Variants in SF3B3 observed in about 807,000 individuals in gnomAD.
SF3B3 encodes SAP 130.
Under a neutral mutation model 139.2 loss-of-function variants are expected in SF3B3, and 33 were observed. The ratio of observed to expected loss-of-function variants is 0.24; its 90% CI spans 0.18 to 0.32. SF3B3 has a LOEUF of 0.32. SF3B3 is among the 10% of genes least tolerant of loss of function. The probability of loss-of-function intolerance (pLI) is 1.00; values close to 1 mark genes in which losing one functional copy is unlikely to be tolerated. For synonymous variants in SF3B3, 596 were observed against 563.6 expected (o/e 1.06, Z -0.81); for missense variants, 818 against 1,509.4 (o/e 0.54, Z 7.59).
intron 11 of SF3B3, among the ~76,000 whole-genome samples, chr16:70,548,883 A>C (rs1199301080): frequency 1.3e-5 from 2 of 152,228 alleles, no homozygotes; most frequent in African/African-American, 4.8e-5. Context: ...CTTGTTAGTC[A>C]ATCTTGCTAG....
intron 11 of SF3B3, among the ~76,000 whole-genome samples, chr16:70,553,491 G>C (rs1057305789): frequency 6.6e-6 from 1 of 151,988 alleles, no homozygotes; most frequent in African/African-American, 2.4e-5. Flanking sequence ...TTTTTAACCT[G>C]ATTTCTGGTT....
At position 70,571,808 on chromosome 16, in the gene SF3B3, T is replaced by G; in HGVS notation, c.3649T>G (p.Phe1217Val). The G allele has an allele frequency of 6.2e-7, 1 of 1,611,358 alleles. No individual in the cohort carries two copies. The highest frequency in any genetic ancestry group is 8.5e-7 in the Non-Finnish European group (1 of 1,179,168). ...KLEDIRTRYA[F>V] ...CGAGGATATCCGGACCCGCTACGCC[T>G]TCTGAGCCCTCCTTTCCCGGTGGGG... The change falls in exon 26 of 26, where the codon TTC (phenylalanine) becomes GTC (valine). Residue 1217 changes from phenylalanine to valine, a missense_variant. Phe to Val is a conservative substitution (Grantham distance 50). Transcript: ENST00000302516.
chr16:70,541,147 T>C (rs1035739356), intron 8 of SF3B3, among the ~76,000 whole-genome samples: 20 of 152,192 alleles, frequency 1.3e-4, no homozygotes, highest in Non-Finnish European at 2.9e-4. Context: ...AAGTATGCAG[T>C]GGTGGTATGA....
At chr16:70,550,219 T>A (rs1262294372) in intron 11 of SF3B3, 1 of 152,092 alleles carries the variant, frequency 6.6e-6, no homozygotes, top group Non-Finnish European at 1.5e-5. Context: ...AGAAGACAAG[T>A]ATACAAAAGT....
chr16:70,552,693 G>A (rs1264894282), intron 11 of SF3B3, among the ~76,000 whole-genome samples: 1 of 152,176 alleles, frequency 6.6e-6, no homozygotes, highest in African/African-American at 2.4e-5. Flanking sequence ...CATTGGGAAA[G>A]ATCTTTAATC....
At chr16:70,546,391 C>T (rs1356502677) in intron 10 of SF3B3, among the ~76,000 whole-genome samples, 3 of 152,170 alleles carry the variant, frequency 2.0e-5, no homozygotes, top group African/African-American at 7.2e-5. Context: ...GTGGCGCACG[C>T]CTGTAATTCC....
chr16:70,529,192 T>C lies in SF3B3; in HGVS notation c.390T>C (p.Val130=). The change falls in exon 3 of 26, where the codon GTT becomes GTC. Residue 130 remains valine (V), a synonymous_variant. Transcript: ENST00000302516. ...FLAVDPKGRA[V]MISAIEKQKL... ...CTGTGGATCCCAAAGGGCGAGCCGTTATGATTAGTAAGTGATTTACTCTAC... is the reference window on the plus strand; with the variant it reads ...CTGTGGATCCCAAAGGGCGAGCCGTCATGATTAGTAAGTGATTTACTCTAC... 2 of 1,612,788 alleles carry C rather than the reference T, an allele frequency of 1.2e-6. No homozygotes were observed. Among genetic ancestry groups the C allele is most frequent in the Non-Finnish European group, 1.7e-6 (2 of 1,179,040 alleles).
chr16:70,528,886 A>G lies in SF3B3; in HGVS notation c.84A>G (p.Gln28=). Residue 28 remains glutamine, a synonymous_variant, in exon 3 of 26, where the codon CAA becomes CAG. Coordinates refer to ENST00000302516, the MANE Select transcript of SF3B3 (RefSeq NM_012426.5). ...IHGNFSGTKQ[Q]EIVVSRGKIL... ...TTGGTGATCTAGGAACCAAACAACAAGAAATTGTTGTTTCCCGTGGGAAGA... is the reference window on the plus strand; with the variant it reads ...TTGGTGATCTAGGAACCAAACAACAGGAAATTGTTGTTTCCCGTGGGAAGA... 6.2e-7 allele frequency: 1 copy of G among 1,607,590 alleles called. No homozygotes were observed. Among genetic ancestry groups the G allele is most frequent in the Non-Finnish European group, 8.5e-7 (1 of 1,174,896 alleles).
chr16:70,563,568 T>A (rs1006142797), intron 17 of SF3B3, among the ~76,000 whole-genome samples: 2 of 152,200 alleles, frequency 1.3e-5, no homozygotes, highest in Non-Finnish European at 2.9e-5. Flanking sequence ...ACAACAAATT[T>A]GGGATTGGGC....
intron 20 of SF3B3, among the ~76,000 whole-genome samples, chr16:70,566,620 T>C (rs1338716828): frequency 6.6e-6 from 1 of 152,192 alleles, no homozygotes; most frequent in Non-Finnish European, 1.5e-5. Flanking sequence ...TACCATAATT[T>C]TTAAAATAAA....
chr16:70,526,559 G>A (rs979502586), intron 1 of SF3B3, 28 bp from the exon 2 acceptor site: 1 of 775,130 alleles, frequency 1.3e-6, no homozygotes, highest in African/African-American at 1.7e-5. Context: ...TAGTCTCCCA[G>A]CTATTTTTCT....
In SF3B3 at chr16:70,569,004, C is replaced by T. The variant is rs1478636120; in HGVS notation, c.3166-39C>T. 7.5e-6 allele frequency: 11 copies of T among 1,475,134 alleles called. No homozygotes were observed. In the East Asian group the frequency reaches 2.5e-4, roughly 34 times the overall value. 91.4% of individuals were successfully genotyped at this position (1,475,134 alleles called of 1,614,324 possible). A position where few individuals can be genotyped will look rare whatever the true frequency, so the allele number is the denominator to read the frequency against. On this transcript the variant is annotated intron_variant, in intron 22 of 25. Coordinates refer to ENST00000302516, the MANE Select transcript of SF3B3 (RefSeq NM_012426.5). Reference sequence around the variant, plus strand: ...TGCTTGGTGACTCAGGTGAGCAGGTCCGGGCCCCAGCAGTGTGACTTGTGT... The same window carrying T: ...TGCTTGGTGACTCAGGTGAGCAGGTTCGGGCCCCAGCAGTGTGACTTGTGT...
At position 70,573,696 on chromosome 16, in the gene SF3B3, G is replaced by C. The variant is rs1182104748; in HGVS notation, c.*1883G>C. The C allele has an allele frequency of 6.6e-6, 1 of 152,230 alleles. No homozygotes were observed. The highest frequency in any genetic ancestry group is 1.5e-5 in the Non-Finnish European group (1 of 68,044). 9.4% of individuals were successfully genotyped at this position (152,230 alleles called of 1,614,324 possible). On this transcript the variant is annotated 3_prime_UTR_variant, in exon 26 of 26. Transcript: ENST00000302516. ...GGGACCTGATTGACTCCTGTGGTTTGATTGAGCAACCAGGTAAATAGAGAC... is the reference window on the plus strand; with the variant it reads ...GGGACCTGATTGACTCCTGTGGTTTCATTGAGCAACCAGGTAAATAGAGAC...
chr16:70,571,632 A>C (rs1397054909), intron 25 of SF3B3, 41 bp from the exon 26 acceptor site: 2 of 1,585,674 alleles, frequency 1.3e-6, no homozygotes, highest in Non-Finnish European at 1.7e-6. Flanking sequence ...TTCTTTGGGC[A>C]TCTCACCATT....
At chr16:70,551,624 C>T (rs2050326483) in intron 11 of SF3B3, among the ~76,000 whole-genome samples, 1 of 152,172 alleles carries the variant, frequency 6.6e-6, no homozygotes. Flanking sequence ...ATCGCTTGAA[C>T]CTGGGAGGCG....
intron 16 of SF3B3, among the ~76,000 whole-genome samples, chr16:70,560,951 T>C (rs2050422376): frequency 6.6e-6 from 1 of 152,184 alleles, no homozygotes; most frequent in South Asian, 2.1e-4. Flanking sequence ...TGGGAAACAT[T>C]GTGTCCTTTG....
chr16:70,571,273 A>AGCACCCTCCCTG, intron 25 of SF3B3, 74 bp downstream of exon 25: 1 of 1,116,644 alleles, frequency 9.0e-7, no homozygotes, highest in Non-Finnish European at 1.4e-6. Context: ...TGATGGGAAT[A>AGCACCCTCCCTG]GTACCAGGGA....
Position 70,554,471 on chromosome 16 carries a change from G to T in SF3B3, c.1428G>T (p.Val476=). Reference sequence around the variant, plus strand: ...ATGAGTTTGATGCCTACATCATTGTGTCTTTCGTGAATGCCACCCTAGTGT... The same window carrying T: ...ATGAGTTTGATGCCTACATCATTGTTTCTTTCGTGAATGCCACCCTAGTGT... ...IEDEFDAYII[V]SFVNATLVLS... is the part of the protein sequence containing the mutation. Residue 476 remains valine (V), a synonymous_variant, in exon 12 of 26, where the codon GTG becomes GTT. Transcript: ENST00000302516. 1 of 1,614,146 alleles carries T rather than the reference G, an allele frequency of 6.2e-7. No homozygotes were observed.
intron 2 of SF3B3, among the ~76,000 whole-genome samples, chr16:70,527,598 G>A (rs1370621159): frequency 6.6e-6 from 1 of 152,088 alleles, no homozygotes; most frequent in African/African-American, 2.4e-5. Flanking sequence ...CTTCATTTGG[G>A]TAATTTAGTT....
Sources: gnomAD v4.1 joint callset for allele counts (sites outside exome capture counted in the v4.1 genomes callset) on GRCh38, gnomAD v4.1.1 for gene constraint, MANE v1.5 for transcripts, NCBI Gene and HGNC (gene_info 2026-07-23, HGNC 2026-07-21) for gene names.